AFF4: variants seen among roughly 807,000 people sequenced by gnomAD.
The protein encoded by AFF4 is ALF transcription elongation factor 4, also known as AF4/FMR2 family member 4.
In AFF4, 13 loss-of-function variants were observed where a neutral mutation model predicts 124.8. The observed-to-expected ratio is 0.10, with a 90% CI of 0.07 to 0.17. AFF4 has a LOEUF of 0.17. Among genes scored for constraint, AFF4 ranks in the 10% least tolerant of loss-of-function variants. The pLI is 1.00. For synonymous variants in AFF4, 477 were observed against 496.1 expected, an observed-to-expected ratio of 0.96 and a Z score of 0.51; for missense variants, 1,092 against 1,403.8, an observed-to-expected ratio of 0.78 and a Z score of 3.55.
chr5:132,928,927 T>C (rs955035333), intron 4 of AFF4, among the ~76,000 whole-genome samples: 2 of 152,164 alleles, frequency 1.3e-5, no homozygotes, highest in African/African-American at 4.8e-5. Context: ...TGAAATAATA[T>C]TATGTAATAG....
Position 132,963,605 on chromosome 5 carries a change from T to G in AFF4, c.-351A>C, listed in dbSNP as rs983259270. The G allele has an allele frequency of 5.0e-6, 2 of 397,464 alleles. No individual in the cohort carries two copies. Among genetic ancestry groups the G allele is most frequent in the South Asian group, 2.6e-4 (2 of 7,672 alleles). The allele number at this position is 397,464 out of a possible 1,614,324, so 24.6% of individuals were successfully genotyped here. A position where few individuals can be genotyped will look rare whatever the true frequency, so the allele number is the denominator to read the frequency against. ...GTCCGCTGGCGGCGGCGACGGCAGC[T>G]GGACTCCTGCAGCCAGGGCTGTGAC... is the stretch of plus-strand genomic sequence containing the variant. On this transcript the variant is annotated 5_prime_UTR_variant, in exon 1 of 21. Transcript: ENST00000265343.
At position 132,881,043 on chromosome 5, in the gene AFF4, C is replaced by T. The variant is rs371660889; in HGVS notation, c.*16G>A. On this transcript the variant is annotated 3_prime_UTR_variant, in exon 21 of 21. Transcript: ENST00000265343. ...GTGTTGTGGAGAAAATCAGAGGCAA[C>T]GAGAATGTGTTCAGTTCAAGATATC... is the stretch of plus-strand genomic sequence containing the variant. The T allele has an allele frequency of 2.5e-6, 4 of 1,608,388 alleles. No homozygotes were observed. The highest frequency in any genetic ancestry group is 1.3e-5 in the African/African-American group (1 of 74,616).
At chr5:132,889,003 G>A (rs1325347523) in intron 14 of AFF4, 76 bp downstream of exon 14, 20 of 1,404,434 alleles carry the variant, frequency 1.4e-5, no homozygotes, top group Admixed American at 1.1e-4. Context: ...GCCAATGATA[G>A]AAATGAAAAT....
intron 1 of AFF4, among the ~76,000 whole-genome samples, chr5:132,947,743 C>T (rs1030654620): frequency 3.9e-5 from 6 of 152,190 alleles, no homozygotes; most frequent in African/African-American, 1.4e-4. Flanking sequence ...TAGAATTTCT[C>T]TACCCATGAG....
intron 5 of AFF4, among the ~76,000 whole-genome samples, chr5:132,906,463 C>A (rs1275410080): frequency 6.6e-6 from 1 of 152,110 alleles, no homozygotes; most frequent in Non-Finnish European, 1.5e-5. Context: ...CATGCTACAA[C>A]TTAGATGAAT....
intron 5 of AFF4, chr5:132,926,877 A>G: frequency 2.6e-6 from 1 of 383,856 alleles, no homozygotes; most frequent in South Asian, 2.7e-5. Context: ...TGTCTTTTAA[A>G]TCTCTCTCGC....
intron 5 of AFF4, among the ~76,000 whole-genome samples, chr5:132,907,188 T>C (rs546917587): frequency 2.6e-4 from 39 of 152,296 alleles, no homozygotes; most frequent in Middle Eastern, 3.4e-3. Context: ...TTACCTACAA[T>C]GGCCTTCTAA....
rs1315956328 is a variant in AFF4, at chr5:132,878,297, G to A, written c.*2762C>T. 2 of 230,320 alleles carry A rather than the reference G, an allele frequency of 8.7e-6. No individual in the cohort carries two copies. Among genetic ancestry groups the A allele is most frequent in the Admixed American group, 5.7e-5 (1 of 17,690 alleles). The allele number at this position is 230,320 out of a possible 1,614,324, so 14.3% of individuals were successfully genotyped here. A position where few individuals can be genotyped will look rare whatever the true frequency, so the allele number is the denominator to read the frequency against. On this transcript the variant is annotated 3_prime_UTR_variant, in exon 21 of 21. Transcript: ENST00000265343. ...CTTGTAAAGAGTCTAATGGTGTATA[G>A]GCTGCTGCCTCCTGGCATACAAGTG...
intron 5 of AFF4, among the ~76,000 whole-genome samples, chr5:132,923,350 CAAAG>C (rs1021338496): frequency 1.5e-4 from 21 of 138,800 alleles, no homozygotes; most frequent in Admixed American, 1.3e-3. Flanking sequence ...GACCCTGTCG[CAAAG>C]AAAGAAAGGA....
chr5:132,934,059 A>C, intron 3 of AFF4, 88 bp downstream of exon 3: 3 of 1,389,086 alleles, frequency 2.2e-6, no homozygotes, highest in Non-Finnish European at 2.9e-6. Flanking sequence ...TAAGGCAAGG[A>C]AGCAGTGTTC....
At chr5:132,919,325 C>A (rs1760986114) in intron 5 of AFF4, among the ~76,000 whole-genome samples, 1 of 152,116 alleles carries the variant, frequency 6.6e-6, no homozygotes, top group South Asian at 2.1e-4. Flanking sequence ...CATATTGGCA[C>A]CATGACAGAC....
intron 1 of AFF4, among the ~76,000 whole-genome samples, chr5:132,942,066 T>C (rs1761583209): frequency 6.6e-6 from 1 of 151,790 alleles, no homozygotes; most frequent in Non-Finnish European, 1.5e-5. Flanking sequence ...GGGTGTTCTC[T>C]GTCTCCTACC....
intron 4 of AFF4, among the ~76,000 whole-genome samples, chr5:132,927,853 A>C (rs1213243222): frequency 6.6e-6 from 1 of 152,214 alleles, no homozygotes; most frequent in African/African-American, 2.4e-5. Flanking sequence ...GGAAAACAGA[A>C]AAGCAAGACC....
chr5:132,956,795 G>A (rs554684761), intron 1 of AFF4, among the ~76,000 whole-genome samples: 1 of 151,870 alleles, frequency 6.6e-6, no homozygotes, highest in East Asian at 1.9e-4. Flanking sequence ...GCTGAGGCAG[G>A]CAGATCATGA....
chr5:132,958,347 T>G (rs1762006495), intron 1 of AFF4, among the ~76,000 whole-genome samples: 1 of 151,102 alleles, frequency 6.6e-6, no homozygotes, highest in African/African-American at 2.4e-5. Context: ...ACACCTGTAG[T>G]CCCAGCTACT....
intron 5 of AFF4, among the ~76,000 whole-genome samples, chr5:132,911,254 A>G (rs1657986903): frequency 6.6e-6 from 1 of 152,170 alleles, no homozygotes; most frequent in East Asian, 1.9e-4. Context: ...AGACACTCTG[A>G]TATCTTTTGA....
intron 13 of AFF4, among the ~76,000 whole-genome samples, chr5:132,890,593 G>A (rs899691392): frequency 2.0e-5 from 3 of 152,074 alleles, no homozygotes; most frequent in Non-Finnish European, 4.4e-5. Context: ...TTAGTTGATA[G>A]AATAAAAAAT....
At chr5:132,942,673 A>G (rs539859429) in intron 1 of AFF4, among the ~76,000 whole-genome samples, 75 of 152,312 alleles carry the variant, frequency 4.9e-4, no homozygotes, top group African/African-American at 1.8e-3. Flanking sequence ...CATGTTGGTC[A>G]GGCTAGTCTC....
chr5:132,927,273 C>A, intron 4 of AFF4, 66 bp from the exon 5 acceptor site: 1 of 1,370,484 alleles, frequency 7.3e-7, no homozygotes, highest in South Asian at 1.3e-5. Flanking sequence ...AGCTAAAAAC[C>A]AGATTTGTAT....
Sources: allele counts gnomAD v4.1 joint callset (sites outside exome capture counted in the v4.1 genomes callset), GRCh38; gene constraint gnomAD v4.1.1; transcripts MANE v1.5; gene names NCBI Gene and HGNC (gene_info 2026-07-23, HGNC 2026-07-21).